Variants in CDH9 observed in about 807,000 individuals in gnomAD.
The protein encoded by CDH9 is cadherin 9, also known as cadherin-9.
Under a neutral mutation model 70.9 loss-of-function variants are expected in CDH9, and 28 were observed. That is an observed-to-expected ratio of 0.40 (90% CI 0.29 to 0.54). CDH9 has a LOEUF of 0.54. Among genes scored for constraint, CDH9 ranks in the 20% least tolerant of loss-of-function variants. The pLI, the probability that CDH9 is intolerant of heterozygous loss-of-function variation, is 0.59. For synonymous variants in CDH9, 409 were observed against 343.1 expected (o/e 1.19, Z -2.12); for missense variants, 874 against 984.4 (o/e 0.89, Z 1.50).
At chr5:26,896,686 T>C (rs1740757517) in intron 7 of CDH9, among the ~76,000 whole-genome samples, 1 of 152,038 alleles carries the variant, frequency 6.6e-6, no homozygotes, top group South Asian at 2.1e-4. Context: ...GAGGGAAATT[T>C]ATAGCACTAA....
At chr5:26,944,482 TC>T (rs1254921000) in intron 2 of CDH9, among the ~76,000 whole-genome samples, 3 of 151,842 alleles carry the variant, frequency 2.0e-5, no homozygotes, top group East Asian at 1.9e-4. Flanking sequence ...AGACCCCGTT[TC>T]CCCCCAAACT....
intron 1 of CDH9, among the ~76,000 whole-genome samples, chr5:27,023,320 A>T (rs1226854660): frequency 6.6e-6 from 1 of 152,048 alleles, no homozygotes; most frequent in African/African-American, 2.4e-5. Context: ...CGGTTGATTC[A>T]TCATATTTTT....
intron 2 of CDH9, among the ~76,000 whole-genome samples, chr5:26,957,689 T>C (rs1362612704): frequency 6.6e-6 from 1 of 152,166 alleles, no homozygotes; most frequent in African/African-American, 2.4e-5. Flanking sequence ...CTTGTTGAAT[T>C]AATATTTCTT....
chr5:26,998,209 G>T (rs1319740753), intron 1 of CDH9, among the ~76,000 whole-genome samples: 1 of 152,126 alleles, frequency 6.6e-6, no homozygotes, highest in Non-Finnish European at 1.5e-5. Flanking sequence ...ATTGGGGTCT[G>T]TGAACCTATG....
chr5:26,954,205 C>T lies in CDH9; in HGVS notation c.228+33901G>A, dbSNP rs544411556. On this transcript the variant is annotated intron_variant, in intron 2 of 11. Coordinates refer to ENST00000231021, the MANE Select transcript of CDH9 (RefSeq NM_016279.4). ...TACCAGGTCTCTGTTGGAATTTTATCATGAAAGGTATTTAAATAAAGATTT... is the reference window on the plus strand; with the variant it reads ...TACCAGGTCTCTGTTGGAATTTTATTATGAAAGGTATTTAAATAAAGATTT... Among the ~76,000 whole-genome samples, 15 of 152,054 alleles carry T rather than the reference C, an allele frequency of 9.9e-5. No individual in the cohort carries two copies. The South Asian group carries it at 3.1e-3, about 32-fold the overall frequency.
intron 1 of CDH9, among the ~76,000 whole-genome samples, chr5:26,998,733 TAA>T (rs945486992): frequency 6.9e-6 from 1 of 144,570 alleles, no homozygotes. Context: ...AGTATAATAA[TAA>T]AAAAAAAAGA....
At chr5:26,955,710 T>C (rs941749283) in intron 2 of CDH9, among the ~76,000 whole-genome samples, 6 of 152,222 alleles carry the variant, frequency 3.9e-5, no homozygotes, top group African/African-American at 1.4e-4. Flanking sequence ...GACATGGGCG[T>C]ATTTAGGAGC....
At chr5:26,979,301 C>A (rs150117638) in intron 2 of CDH9, among the ~76,000 whole-genome samples, 1 of 151,458 alleles carries the variant, frequency 6.6e-6, no homozygotes. Context: ...TCAATTTATA[C>A]TGTAACAAAT....
intron 11 of CDH9, among the ~76,000 whole-genome samples, chr5:26,883,379 G>A (rs549466753): frequency 1.1e-4 from 16 of 151,406 alleles, no homozygotes; most frequent in African/African-American, 2.4e-4. Context: ...CTTTTCTACC[G>A]TATTAAAATT....
chr5:26,899,500 G>A (rs564998474), intron 7 of CDH9, among the ~76,000 whole-genome samples: 9 of 152,198 alleles, frequency 5.9e-5, no homozygotes, highest in South Asian at 2.1e-4. Context: ...GTCCTTTGCC[G>A]GGACATGGAT....
At chr5:26,937,114 T>C (rs1579462187) in intron 2 of CDH9, among the ~76,000 whole-genome samples, 1 of 151,942 alleles carries the variant, frequency 6.6e-6, no homozygotes, top group East Asian at 1.9e-4. Context: ...CACTGAAAAA[T>C]AAAATGTTAG....
At chr5:26,922,979 A>G (rs1176427426) in intron 2 of CDH9, among the ~76,000 whole-genome samples, 4 of 151,366 alleles carry the variant, frequency 2.6e-5, no homozygotes, top group Non-Finnish European at 4.4e-5. Context: ...CAGAAAAAAA[A>G]TGGAGGATTA....
intron 2 of CDH9, among the ~76,000 whole-genome samples, chr5:26,923,619 C>A (rs67196784): frequency 5.3e-5 from 8 of 151,876 alleles, no homozygotes; most frequent in Non-Finnish European, 2.9e-5. Flanking sequence ...GGCTGCAGAA[C>A]ATACATTCTT....
At chr5:26,900,161 A>G (rs1274704339) in intron 7 of CDH9, among the ~76,000 whole-genome samples, 1 of 152,194 alleles carries the variant, frequency 6.6e-6, no homozygotes, top group African/African-American at 2.4e-5. Flanking sequence ...GATAACCAGA[A>G]TAATTCTGTA....
intron 1 of CDH9, among the ~76,000 whole-genome samples, chr5:27,030,347 A>AC (rs1743290849): frequency 8.6e-6 from 1 of 115,886 alleles, no homozygotes; most frequent in South Asian, 2.3e-4. Context: ...TGAAAAAGCC[A>AC]CTTTTTTTTT....
In CDH9 at chr5:27,019,490, A is replaced by G. The variant is rs953036957; in HGVS notation, c.-50+18973T>C. ...AATTGTTTCACTCTAGTCTATCATTAGAAAATATTAGCAAATTATCTAGAG... is the reference window on the plus strand; with the variant it reads ...AATTGTTTCACTCTAGTCTATCATTGGAAAATATTAGCAAATTATCTAGAG... On this transcript the variant is annotated intron_variant, in intron 1 of 11. Transcript: ENST00000231021. Among the ~76,000 whole-genome samples the G allele has an allele frequency of 9.9e-5, 15 of 152,008 alleles. 1 individual carries two copies. Among genetic ancestry groups the G allele is most frequent in the Admixed American group, 5.3e-4 (8 of 15,198 alleles).
intron 7 of CDH9, among the ~76,000 whole-genome samples, chr5:26,896,702 C>T (rs1740757938): frequency 1.3e-5 from 2 of 151,810 alleles, no homozygotes; most frequent in Admixed American, 6.6e-5. Context: ...ACTAAATGCC[C>T]ACAGGAGAAA....
At chr5:26,931,174 T>C (rs968800873) in intron 2 of CDH9, among the ~76,000 whole-genome samples, 2 of 152,108 alleles carry the variant, frequency 1.3e-5, no homozygotes, top group Non-Finnish European at 2.9e-5. Context: ...ACATTCCCTC[T>C]AGCATTCTGT....
At chr5:26,883,162 C>T (rs895563802) in intron 11 of CDH9, among the ~76,000 whole-genome samples, 6 of 139,276 alleles carry the variant, frequency 4.3e-5, no homozygotes, top group Non-Finnish European at 7.7e-5. Context: ...TAATTAAGTC[C>T]AACATAGATC....
Sources: allele counts gnomAD v4.1 joint callset (sites outside exome capture counted in the v4.1 genomes callset), GRCh38; gene constraint gnomAD v4.1.1; transcripts MANE v1.5; gene names NCBI Gene and HGNC (gene_info 2026-07-23, HGNC 2026-07-21).